Variants in ZCWPW2 observed in about 807,000 individuals in gnomAD.
ZCWPW2 encodes zinc finger CW-type and PWWP domain containing 2.
ZCWPW2 carries 45 observed loss-of-function variants against 46.6 expected under a neutral mutation model. That is an observed-to-expected ratio of 0.96 (90% confidence interval 0.76 to 1.24). The LOEUF is 1.24. ZCWPW2 is among the 50% of genes most tolerant of loss of function. The pLI is 0.00. For missense variants in ZCWPW2, 429 were observed against 403.9 expected, an observed-to-expected ratio of 1.06 and a Z score of -0.53; for synonymous variants, 152 against 137.1, an observed-to-expected ratio of 1.11 and a Z score of -0.76.
chr3:28,370,866 G>A (rs1705308987), intron 1 of ZCWPW2, among the ~76,000 whole-genome samples: 1 of 152,082 alleles, frequency 6.6e-6, no homozygotes, highest in African/African-American at 2.4e-5. Flanking sequence ...CTGAGTAGCT[G>A]GGATTACAGG....
intron 4 of ZCWPW2, among the ~76,000 whole-genome samples, chr3:28,457,443 C>T (rs1220269849): frequency 2.0e-5 from 3 of 152,124 alleles, no homozygotes; most frequent in Non-Finnish European, 4.4e-5. Context: ...AGGTTCAGGT[C>T]TTGATATCCA....
chr3:28,382,321 G>T (rs988362227), intron 1 of ZCWPW2, among the ~76,000 whole-genome samples: 1 of 152,068 alleles, frequency 6.6e-6, no homozygotes, highest in Non-Finnish European at 1.5e-5. Context: ...CTTGTAGATG[G>T]CCATCTTCTC....
rs1700443160 is a variant in ZCWPW2 at position 28,512,119 on chromosome 3, T to G, written c.658-1945T>G. Among the ~76,000 whole-genome samples the G allele has an allele frequency of 2.0e-5, 3 of 152,258 alleles. No individual in the cohort carries two copies. In the South Asian group the frequency reaches 6.2e-4, roughly 32 times the overall value. ...TGATATGGTGTCTATTACAGCCTAA[T>G]TGTCTTACCTTTATAGCTTGGCACC... On this transcript the variant is annotated intron_variant, in intron 6 of 9. Transcript: ENST00000383768.
At chr3:28,379,492 A>G (rs561621377) in intron 1 of ZCWPW2, among the ~76,000 whole-genome samples, 1 of 152,366 alleles carries the variant, frequency 6.6e-6, no homozygotes, top group East Asian at 1.9e-4. Flanking sequence ...ATCAACAAGT[A>G]GAAAGTTTGT....
intron 3 of ZCWPW2, among the ~76,000 whole-genome samples, chr3:28,420,197 C>T (rs1195156929): frequency 6.6e-6 from 1 of 151,900 alleles, no homozygotes; most frequent in Non-Finnish European, 1.5e-5. Context: ...AATGTGTTTG[C>T]TCTTGCTTCT....
chr3:28,434,742 AT>A (rs1296332893), intron 3 of ZCWPW2, among the ~76,000 whole-genome samples: 1 of 152,164 alleles, frequency 6.6e-6, no homozygotes, highest in Non-Finnish European at 1.5e-5. Context: ...CTAATTAATC[AT>A]TTGATTTAGA....
chr3:28,524,439 T>C, intron 9 of ZCWPW2, 88 bp from the exon 10 acceptor site: 1 of 1,373,614 alleles, frequency 7.3e-7, no homozygotes, highest in East Asian at 2.4e-5. Context: ...GTGTAGCTAA[T>C]GTGGCTTGCA....
At chr3:28,473,060 A>T (rs1395792342) in intron 4 of ZCWPW2, among the ~76,000 whole-genome samples, 1 of 152,216 alleles carries the variant, frequency 6.6e-6, no homozygotes, top group Admixed American at 6.5e-5. Context: ...AGTGGCTTAT[A>T]TCCAAAAGAC....
chr3:28,485,882 TTCTG>T (rs1318807729), intron 5 of ZCWPW2, among the ~76,000 whole-genome samples: 1 of 152,112 alleles, frequency 6.6e-6, no homozygotes, highest in Non-Finnish European at 1.5e-5. Context: ...TTCACTCTTT[TTCTG>T]TCTTTGTGAT....
intron 5 of ZCWPW2, among the ~76,000 whole-genome samples, chr3:28,484,381 G>A (rs1016767517): frequency 2.0e-5 from 3 of 152,124 alleles, no homozygotes; most frequent in Admixed American, 1.3e-4. Context: ...ATGTTTGATA[G>A]CATTCACCAG....
chr3:28,494,347 C>CCTTA (rs1699916120), intron 6 of ZCWPW2, among the ~76,000 whole-genome samples: 2 of 112,300 alleles, frequency 1.8e-5, no homozygotes, highest in Non-Finnish European at 3.6e-5. Flanking sequence ...AGGAAGGGAT[C>CCTTA]CAGTTTCAGC....
chr3:28,350,920 T>G (rs1704526821), intron 1 of ZCWPW2, among the ~76,000 whole-genome samples: 1 of 151,814 alleles, frequency 6.6e-6, no homozygotes, highest in Admixed American at 6.6e-5. Flanking sequence ...CAGTGAGTGG[T>G]TGGTTTTCCA....
chr3:28,374,411 A>G (rs1377412766), intron 1 of ZCWPW2, among the ~76,000 whole-genome samples: 2 of 152,276 alleles, frequency 1.3e-5, no homozygotes, highest in South Asian at 2.1e-4. Context: ...GAACTCAGGT[A>G]ATGTGACGCT....
At chr3:28,463,220 A>C (rs1698707471) in intron 4 of ZCWPW2, among the ~76,000 whole-genome samples, 1 of 152,166 alleles carries the variant, frequency 6.6e-6, no homozygotes, top group Non-Finnish European at 1.5e-5. Flanking sequence ...TGAAAATTTA[A>C]TAAAACTGAT....
intron 4 of ZCWPW2, among the ~76,000 whole-genome samples, chr3:28,474,269 T>C (rs1264482457): frequency 6.6e-6 from 1 of 152,178 alleles, no homozygotes; most frequent in Non-Finnish European, 1.5e-5. Context: ...GCTTGTGGCA[T>C]TGTAAACTTT....
chr3:28,407,992 A>T (rs1169160382), intron 2 of ZCWPW2, among the ~76,000 whole-genome samples: 2 of 152,192 alleles, frequency 1.3e-5, no homozygotes, highest in Non-Finnish European at 2.9e-5. Context: ...AATGGAATCA[A>T]TGAGAATCTG....
At chr3:28,398,960 A>C (rs1239663971) in intron 2 of ZCWPW2, among the ~76,000 whole-genome samples, 2 of 152,214 alleles carry the variant, frequency 1.3e-5, no homozygotes, top group African/African-American at 4.8e-5. Context: ...GGAGGGCATG[A>C]ATCCAGTGTG....
intron 1 of ZCWPW2, among the ~76,000 whole-genome samples, chr3:28,371,838 A>G (rs889809380): frequency 3.9e-5 from 6 of 152,082 alleles, no homozygotes; most frequent in African/African-American, 1.4e-4. Flanking sequence ...CTAGGGGAAA[A>G]GAGGCCTTAG....
rs777486516 is a variant in ZCWPW2 at position 28,521,066 on chromosome 3, C to T, written c.859C>T (p.Pro287Ser). Residue 287 changes from proline to serine, a missense_variant, in exon 9 of 10, where the codon CCT (proline) becomes TCT (serine). Coordinates refer to ENST00000383768, the MANE Select transcript of ZCWPW2 (RefSeq NM_001040432.4). ...LQQALQPTAT[P>S]DESEEGHGEE... is the part of the protein sequence containing the mutation. Reference sequence around the variant, plus strand: ...GCAAGCACTGCAACCCACAGCCACACCTGATGAATCAGAAGAAGGACATGG... The same window carrying T: ...GCAAGCACTGCAACCCACAGCCACATCTGATGAATCAGAAGAAGGACATGG... The T allele has an allele frequency of 4.3e-6, 7 of 1,610,068 alleles. No individual in the cohort carries two copies. Among genetic ancestry groups the T allele is most frequent in the Middle Eastern group, 1.7e-4 (1 of 6,042 alleles).
Sources: allele counts gnomAD v4.1 joint callset (sites outside exome capture counted in the v4.1 genomes callset), GRCh38; gene constraint gnomAD v4.1.1; transcripts MANE v1.5; gene names NCBI Gene and HGNC (gene_info 2026-07-23, HGNC 2026-07-21).